E2F3: variants seen among roughly 807,000 people sequenced by gnomAD.
The protein encoded by E2F3 is E2F transcription factor 3.
In E2F3, 11 loss-of-function variants were observed where a neutral mutation model predicts 44.4. The observed-to-expected ratio is 0.25, with a 90% CI of 0.16 to 0.41. The LOEUF is 0.41. Ranked by LOEUF, E2F3 falls within the 10% of genes least tolerant of loss-of-function variation. The pLI is 1.00. For missense variants in E2F3, 487 were observed against 583.6 expected (o/e 0.83, Z 1.70); for synonymous variants, 249 against 253.0 (o/e 0.98, Z 0.15).
chr6:20,405,035 A>C (rs7739588), intron 1 of E2F3, among the ~76,000 whole-genome samples: 4,625 of 152,250 alleles, frequency 0.03, 218 homozygotes, highest in African/African-American at 0.1. Context: ...CTTCAAGTTG[A>C]TTTTTAAAAA....
In E2F3 at chr6:20,493,359, GAGA is replaced by G. The variant is rs1762605155; in HGVS notation, c.*2932_*2934del. ...TGTGTGCATGACAACTCGTGTGTAT[GAGA>G]AGGAGGGATATGAAGGAAGATGGCT... On this transcript the variant is annotated 3_prime_UTR_variant, in exon 7 of 7. Transcript: ENST00000346618. 4.4e-6 allele frequency: 1 copy of G among 226,352 alleles called. No homozygotes were observed. The highest frequency in any genetic ancestry group is 2.2e-5 in the African/African-American group (1 of 44,878). The allele number at this position is 226,352 out of a possible 1,614,324, so 14.0% of individuals were successfully genotyped here.
At position 20,412,428 on chromosome 6, in the gene E2F3, T is replaced by C. The variant is rs117300077; in HGVS notation, c.393+9803T>C. On this transcript the variant is annotated intron_variant, in intron 1 of 6. Coordinates refer to ENST00000346618, the MANE Select transcript of E2F3 (RefSeq NM_001949.5). The stretch of plus-strand genomic sequence containing the variant: ...CACTGGGCTTGGTGGAAAGGGAAGA[T>C]TGGGGAGGCCCTTTCTGGCGGGGAG... Among the ~76,000 whole-genome samples, 25 of 152,070 alleles carry C rather than the reference T, an allele frequency of 1.6e-4. No homozygotes were observed. The East Asian group carries it at 4.1e-3, about 25-fold the overall frequency.
intron 1 of E2F3, among the ~76,000 whole-genome samples, chr6:20,470,675 T>TC (rs1439957669): frequency 1.3e-5 from 2 of 152,240 alleles, no homozygotes; most frequent in Admixed American, 6.5e-5. Flanking sequence ...GTATCATCTA[T>TC]CAAGTTCTAT....
At chr6:20,449,021 A>G (rs935861533) in intron 1 of E2F3, among the ~76,000 whole-genome samples, 3 of 152,148 alleles carry the variant, frequency 2.0e-5, no homozygotes, top group African/African-American at 7.2e-5. Flanking sequence ...TTGCCATCCA[A>G]TTTCTGGCCT....
chr6:20,406,578 C>T (rs1759500552), intron 1 of E2F3, among the ~76,000 whole-genome samples: 1 of 152,092 alleles, frequency 6.6e-6, no homozygotes, highest in Non-Finnish European at 1.5e-5. Context: ...TAAAACATGG[C>T]CATCCTAGGG....
intron 1 of E2F3, among the ~76,000 whole-genome samples, chr6:20,455,617 G>T (rs991149911): frequency 6.6e-6 from 1 of 152,194 alleles, no homozygotes; most frequent in Admixed American, 6.5e-5. Context: ...GTTGGCTGAA[G>T]AGAGAGTCGA....
intron 1 of E2F3, among the ~76,000 whole-genome samples, chr6:20,408,434 G>A (rs1759561733): frequency 6.6e-6 from 1 of 152,178 alleles, no homozygotes; most frequent in Non-Finnish European, 1.5e-5. Context: ...TCCTCTAAAA[G>A]CAATGTGTTT....
rs369329259 is a variant in E2F3, at chr6:20,491,524, G to C, written c.*1094G>C. On this transcript the variant is annotated 3_prime_UTR_variant, in exon 7 of 7. Coordinates refer to ENST00000346618, the MANE Select transcript of E2F3 (RefSeq NM_001949.5). ...GGAAAGGAGAACCAGGTCAGATGAT[G>C]TAACAGCCCCAAGGAGCAGCAGGCA... The C allele has an allele frequency of 9.2e-6, 2 of 217,154 alleles. No homozygotes were observed. Among genetic ancestry groups the C allele is most frequent in the African/African-American group, 2.3e-5 (1 of 44,380 alleles). The allele number at this position is 217,154 out of a possible 1,614,324, so 13.5% of individuals were successfully genotyped here.
chr6:20,474,216 C>T (rs773768397), intron 1 of E2F3, among the ~76,000 whole-genome samples: 1 of 152,050 alleles, frequency 6.6e-6, no homozygotes, highest in Admixed American at 6.6e-5. Context: ...GGACTACAGG[C>T]GCATTACCAT....
chr6:20,466,637 A>G (rs1284592368), intron 1 of E2F3, among the ~76,000 whole-genome samples: 2 of 150,136 alleles, frequency 1.3e-5, no homozygotes, highest in Non-Finnish European at 3.0e-5. Flanking sequence ...GAAAAGTCCC[A>G]TGACTCTTCT....
intron 1 of E2F3, among the ~76,000 whole-genome samples, chr6:20,424,824 G>A (rs990985065): frequency 6.6e-5 from 10 of 152,136 alleles, no homozygotes; most frequent in Non-Finnish European, 1.2e-4. Flanking sequence ...TGTAGATGAG[G>A]AAAGTGAGGC....
intron 1 of E2F3, among the ~76,000 whole-genome samples, chr6:20,469,281 G>T (rs1369277211): frequency 6.6e-6 from 1 of 152,182 alleles, no homozygotes; most frequent in African/African-American, 2.4e-5. Flanking sequence ...AATGGAAGAA[G>T]TGAGATGGGT....
rs780402710 is a variant in E2F3, at chr6:20,488,204, A to C, written c.1091A>C (p.Asn364Thr). 6.2e-7 allele frequency: 1 copy of C among 1,610,836 alleles called. No individual in the cohort carries two copies. Among genetic ancestry groups the C allele is most frequent in the Non-Finnish European group, 8.5e-7 (1 of 1,179,250 alleles). ...ETETHSPMKT[N>T]NQDHNGNIPK... The stretch of plus-strand genomic sequence containing the variant: ...GAAACACACAGTCCAATGAAAACAA[A>C]CAACCAAGACCACAATGGGAATATC... The change falls in exon 6 of 7, where the codon AAC (asparagine) becomes ACC (threonine). Residue 364 changes from asparagine to threonine, a missense_variant. This residue lies in a region of E2F3 where 220 missense variants were observed against 261.7 expected (regional missense o/e 0.84). Transcript: ENST00000346618.
chr6:20,481,211 A>C lies in E2F3; in HGVS notation c.511A>C (p.Lys171Gln). ...GGTTTTTGTTTTTCTTTAAGCTCCA[A>C]AATCTCCCTCAGAAAAAACGCGGTA... ...LRSPDSPKTP[K>Q]SPSEKTRYDT... The change falls in exon 3 of 7, where the codon AAA becomes CAA. Residue 171 changes from lysine (K) to glutamine (Q), a missense_variant. Physicochemically the swap from Lys to Gln is moderately conservative, Grantham distance 53. Transcript: ENST00000346618. 1 of 1,613,726 alleles carries C rather than the reference A, an allele frequency of 6.2e-7. No homozygotes were observed. Among genetic ancestry groups the C allele is most frequent in the Non-Finnish European group, 8.5e-7 (1 of 1,179,750 alleles).
intron 1 of E2F3, among the ~76,000 whole-genome samples, chr6:20,448,006 C>A (rs1055177345): frequency 6.6e-6 from 1 of 152,198 alleles, no homozygotes; most frequent in African/African-American, 2.4e-5. Context: ...GTCCTTAAAC[C>A]TTTCTGCCCC....
At chr6:20,425,065 A>G (rs567354465) in intron 1 of E2F3, among the ~76,000 whole-genome samples, 1 of 152,276 alleles carries the variant, frequency 6.6e-6, no homozygotes, top group African/African-American at 2.4e-5. Context: ...TTATTGCATG[A>G]AGGGAAGACC....
intron 1 of E2F3, among the ~76,000 whole-genome samples, chr6:20,436,299 A>G (rs1190101561): frequency 1.3e-5 from 2 of 152,170 alleles, no homozygotes; most frequent in Admixed American, 6.5e-5. Flanking sequence ...TGTCTTTACG[A>G]TAGAGGAATG....
chr6:20,415,606 A>C (rs572251015), intron 1 of E2F3, among the ~76,000 whole-genome samples: 133 of 152,384 alleles, frequency 8.7e-4, no homozygotes, highest in Non-Finnish European at 1.6e-3. Context: ...AAGAAAGGGT[A>C]GAAGAGGATA....
In E2F3 at chr6:20,402,003, C is replaced by G; in HGVS notation, c.-230C>G. 1.6e-6 allele frequency: 1 copy of G among 644,554 alleles called. No homozygotes were observed. Among genetic ancestry groups the G allele is most frequent in the East Asian group, 3.6e-5 (1 of 27,972 alleles). 39.9% of individuals were successfully genotyped at this position (644,554 alleles called of 1,614,324 possible). A position where few individuals can be genotyped will look rare whatever the true frequency, so the allele number is the denominator to read the frequency against. On this transcript the variant is annotated 5_prime_UTR_variant, in exon 1 of 7. Coordinates refer to ENST00000346618, the MANE Select transcript of E2F3 (RefSeq NM_001949.5). The surrounding 1 kb of genome is among the most constrained non-coding windows in gnomAD (Gnocchi z 5.6). Reference sequence around the variant, plus strand: ...CCGACGCCTCCATCCCCGCTTGGGGCCCGATATCCGTGCGGCCGGGACCCT... The same window carrying G: ...CCGACGCCTCCATCCCCGCTTGGGGGCCGATATCCGTGCGGCCGGGACCCT...
Sources: gnomAD v4.1 joint callset for allele counts (sites outside exome capture counted in the v4.1 genomes callset) on GRCh38, gnomAD v4.1.1 for gene constraint, gnomAD v4.1.1 regional missense constraint, Gnocchi (gnomAD v3.1) non-coding constraint, MANE v1.5 for transcripts, NCBI Gene and HGNC (gene_info 2026-07-23, HGNC 2026-07-21) for gene names.